Variants in NUP85 observed in about 807,000 individuals in gnomAD.
NUP85 encodes nucleoporin 85.
Under a neutral mutation model 92.8 loss-of-function variants are expected in NUP85, and 23 were observed. That is an observed-to-expected ratio of 0.25 (90% CI 0.18 to 0.35). The LOEUF (loss-of-function observed/expected upper bound fraction) is 0.35, where lower values mean the gene tolerates loss of function less well. Among genes scored for constraint, NUP85 ranks in the 10% least tolerant of loss-of-function variants. NUP85 has a pLI of 1.00. For missense variants in NUP85, 759 were observed against 822.8 expected, an observed-to-expected ratio of 0.92 and a Z score of 0.95; for synonymous variants, 314 against 306.9, an observed-to-expected ratio of 1.02 and a Z score of -0.24.
intron 16 of NUP85, 141 bp downstream of exon 16, chr17:75,233,299 G>A (rs920093495): frequency 5.4e-5 from 35 of 651,134 alleles, no homozygotes; most frequent in Non-Finnish European, 9.4e-5. Flanking sequence ...CCTCCGTCAT[G>A]TCCAGGATCA....
At chr17:75,208,343 G>A in intron 1 of NUP85, 184 bp from the exon 2 acceptor site, 2 of 593,516 alleles carry the variant, frequency 3.4e-6, no homozygotes. Flanking sequence ...TACTCAGGAG[G>A]TTGAGGCAGG....
rs117740993 is a variant in NUP85 at position 75,212,562 on chromosome 17, G to A, written c.361+500G>A. Among the ~76,000 whole-genome samples the A allele has an allele frequency of 3.2e-3, 476 of 148,568 alleles. 3 individuals are homozygous for A. In the East Asian group the frequency reaches 0.035, roughly 11 times the overall value. On this transcript the variant is annotated intron_variant, in intron 4 of 18. Coordinates refer to ENST00000245544, the MANE Select transcript of NUP85 (RefSeq NM_024844.5). The stretch of plus-strand genomic sequence containing the variant: ...GGCTCACTGCAGTCATGAGCTCACC[G>A]CCTGGGCTCAAGTGATCTTCCTACC...
intron 1 of NUP85, chr17:75,208,226 A>G (rs576852553): frequency 3.5e-6 from 1 of 287,848 alleles, no homozygotes; most frequent in South Asian, 6.0e-5. Context: ...ACCTGAACTC[A>G]GGAGTTTGTG....
chr17:75,234,840 C>T (rs767461817), intron 17 of NUP85, 52 bp downstream of exon 17: 1 of 1,603,182 alleles, frequency 6.2e-7, no homozygotes, highest in Admixed American at 1.7e-5. Flanking sequence ...CCTGCTAGAG[C>T]TTAGTTGTAT....
chr17:75,214,748 T>C (rs549922690), intron 5 of NUP85, among the ~76,000 whole-genome samples: 1 of 152,106 alleles, frequency 6.6e-6, no homozygotes, highest in East Asian at 1.9e-4. Context: ...TCCCAGCCAC[T>C]TGGGAGGCTG....
intron 16 of NUP85, 29 bp downstream of exon 16, chr17:75,233,187 T>C (rs771344672): frequency 6.3e-7 from 1 of 1,587,710 alleles, no homozygotes; most frequent in African/African-American, 1.3e-5. Context: ...TGCCCTGTGC[T>C]TTGGGCACAA....
rs1490221631 is a variant in NUP85, at chr17:75,234,737, T to G, written c.1716T>G (p.Ser572=). The change falls in exon 17 of 19, where the codon TCT becomes TCG. Residue 572 remains serine (S), a synonymous_variant. Transcript: ENST00000245544. ...TGACGTCTCGGATTGCCCCTCGGTC[T>G]TTCTGGATGACTCTGCTGACAGACG... The part of the protein sequence containing the change: ...SLMTSRIAPR[S]FWMTLLTDAL... The G allele has an allele frequency of 6.2e-7, 1 of 1,614,234 alleles. No individual in the cohort carries two copies. Among genetic ancestry groups the G allele is most frequent in the Non-Finnish European group, 8.5e-7 (1 of 1,180,044 alleles).
Position 75,225,724 on chromosome 17 carries a change from G to T in NUP85, c.882G>T (p.Leu294Phe), listed in dbSNP as rs567658330. 1 of 1,614,084 alleles carries T rather than the reference G, an allele frequency of 6.2e-7. No individual in the cohort carries two copies. Among genetic ancestry groups the T allele is most frequent in the East Asian group, 2.2e-5 (1 of 44,898 alleles). ...TTATGCTGGGAGACGAAGCTGCCTT[G>T]TTAGAGCAGAAGGAACTTCTGAGTA... is the stretch of plus-strand genomic sequence containing the variant. ...LKIMLGDEAA[L>F]LEQKELLSNW... The change falls in exon 10 of 19, where the codon TTG becomes TTT. Residue 294 changes from leucine to phenylalanine, a missense_variant. Coordinates refer to ENST00000245544, the MANE Select transcript of NUP85 (RefSeq NM_024844.5).
rs2076257043 is a variant in NUP85, at chr17:75,234,712, T to A, written c.1691T>A (p.Met564Lys). 1 of 1,614,260 alleles carries A rather than the reference T, an allele frequency of 6.2e-7. No individual in the cohort carries two copies. The highest frequency in any genetic ancestry group is 8.5e-7 in the Non-Finnish European group (1 of 1,180,036). ...GCAGCTTCTCTCCTTCTGTCCTTGATGACGTCTCGGATTGCCCCTCGGTCT... is the reference window on the plus strand; with the variant it reads ...GCAGCTTCTCTCCTTCTGTCCTTGAAGACGTCTCGGATTGCCCCTCGGTCT... ...ADAASLLLSL[M>K]TSRIAPRSFW... The change falls in exon 17 of 19, where the codon ATG becomes AAG. Residue 564 changes from methionine (M) to lysine (K), a missense_variant. Coordinates refer to ENST00000245544, the MANE Select transcript of NUP85 (RefSeq NM_024844.5).
At chr17:75,209,760 G>A (rs761194510) in intron 2 of NUP85, 63 bp from the exon 3 acceptor site, 8 of 1,416,280 alleles carry the variant, frequency 5.6e-6, no homozygotes, top group Non-Finnish European at 6.6e-6. Flanking sequence ...TTTTTTTAGA[G>A]TAGATTCACT....
At chr17:75,215,674 A>T in intron 5 of NUP85, 80 bp from the exon 6 acceptor site, 2 of 1,313,082 alleles carry the variant, frequency 1.5e-6, no homozygotes, top group Admixed American at 3.5e-5. Flanking sequence ...CATATGAGTC[A>T]AAGTCTGCTT....
At chr17:75,221,354 G>A (rs1315280165) in intron 7 of NUP85, among the ~76,000 whole-genome samples, 3 of 151,834 alleles carry the variant, frequency 2.0e-5, no homozygotes, top group Admixed American at 1.3e-4. Flanking sequence ...GGCCAGGCTG[G>A]TCTCGAACTC....
chr17:75,209,786 AATAG>A, intron 2 of NUP85, 33 bp from the exon 3 acceptor site: 2 of 1,546,418 alleles, frequency 1.3e-6, no homozygotes, highest in Non-Finnish European at 8.7e-7. Flanking sequence ...AGATGATCAT[AATAG>A]ATGTTAAATT....
Position 75,205,712 on chromosome 17 carries a change from C to G in NUP85, c.-50C>G. 6.2e-7 allele frequency: 1 copy of G among 1,611,634 alleles called. No homozygotes were observed. The highest frequency in any genetic ancestry group is 8.5e-7 in the Non-Finnish European group (1 of 1,177,788). ...GCCAGCTCTGAGCGGGAGGCCTGAG[C>G]GGGAAGCATTGGCGTCCGAGCGACT... On this transcript the variant is annotated 5_prime_UTR_variant, in exon 1 of 19. Coordinates refer to ENST00000245544, the MANE Select transcript of NUP85 (RefSeq NM_024844.5).
Position 75,235,590 on chromosome 17 carries a change from G to C in NUP85, c.1882G>C (p.Glu628Gln). ...CTCTGCTTTGCAGGATGATGACATA[G>C]AGACCACCAAGGTGGAAATGCTGAG... is the stretch of plus-strand genomic sequence containing the variant. ...DTEQLQDDDIETTKVEMLRLS... is the reference protein window; with the variant it reads ...DTEQLQDDDIQTTKVEMLRLS... Residue 628 changes from glutamate to glutamine, a missense_variant, in exon 19 of 19, where the codon GAG becomes CAG. By Grantham distance (29) the Glu-to-Gln change is conservative (BLOSUM62 2). Coordinates refer to ENST00000245544, the MANE Select transcript of NUP85 (RefSeq NM_024844.5). 1.2e-6 allele frequency: 2 copies of C among 1,613,612 alleles called. No homozygotes were observed. Among genetic ancestry groups the C allele is most frequent in the Non-Finnish European group, 1.7e-6 (2 of 1,179,504 alleles).
chr17:75,209,272 A>G (rs376699217), intron 2 of NUP85, among the ~76,000 whole-genome samples: 3 of 152,164 alleles, frequency 2.0e-5, no homozygotes, highest in East Asian at 3.8e-4. Context: ...GCTGAGCCGT[A>G]GCATCCAAGG....
chr17:75,231,097 A>C lies in NUP85; in HGVS notation c.1095-243A>C. ...CAGGTGTGTGCCACCATGCCTGGCT[A>C]ATTTTTGTATTTGTAGAGATGGGGT... On this transcript the variant is annotated intron_variant, in intron 11 of 18. Transcript: ENST00000245544. This position sits in a 1 kb window ranked among gnomAD's most constrained non-coding sequence, Gnocchi z 4.6. 3 of 465,432 alleles carry C rather than the reference A, an allele frequency of 6.4e-6. No individual in the cohort carries two copies. The highest frequency in any genetic ancestry group is 1.2e-5 in the Non-Finnish European group (3 of 251,574). The allele number at this position is 465,432 out of a possible 1,614,324, so 28.8% of individuals were successfully genotyped here.
chr17:75,205,910 G>T, intron 1 of NUP85, 116 bp downstream of exon 1: 1 of 1,197,316 alleles, frequency 8.4e-7, no homozygotes, highest in Admixed American at 2.0e-5. Flanking sequence ...CCCTTCCCTC[G>T]ACTCAGTTGC....
intron 14 of NUP85, 164 bp downstream of exon 14, chr17:75,232,143 T>G: frequency 1.4e-6 from 1 of 706,276 alleles, no homozygotes; most frequent in Non-Finnish European, 2.3e-6. Context: ...GATAATTACT[T>G]GGGAGGGACA....
Sources: gnomAD v4.1 joint callset for allele counts (sites outside exome capture counted in the v4.1 genomes callset) on GRCh38, gnomAD v4.1.1 for gene constraint, Gnocchi (gnomAD v3.1) non-coding constraint, MANE v1.5 for transcripts, NCBI Gene and HGNC (gene_info 2026-07-23, HGNC 2026-07-21) for gene names.